The following GLRA2 variants were observed in gnomAD, a reference collection of about 807,000 sequenced individuals.
The protein encoded by GLRA2 is glycine receptor subunit alpha-2.
In GLRA2, 11 loss-of-function variants were observed where a neutral mutation model predicts 31.6. That is an observed-to-expected ratio of 0.35 (90% CI 0.22 to 0.58). GLRA2 has a LOEUF of 0.58. Among genes scored for constraint, GLRA2 ranks in the 20% least tolerant of loss-of-function variants. GLRA2 has a pLI of 0.84. For synonymous variants in GLRA2, 132 were observed against 134.0 expected (o/e 0.99, Z 0.10); for missense variants, 212 against 351.8 (o/e 0.60, Z 3.18).
At chrX:14,704,352 A>T (rs1481765563) in intron 8 of GLRA2, among the ~76,000 whole-genome samples, 1 of 112,251 alleles carries the variant, frequency 8.9e-6, no homozygotes, top group African/African-American at 3.2e-5. Flanking sequence ...TAATTGGTGT[A>T]AGATTCTTTT....
intron 2 of GLRA2, among the ~76,000 whole-genome samples, chrX:14,541,803 C>G (rs756576407): frequency 2.7e-5 from 3 of 111,230 alleles, no homozygotes; most frequent in Non-Finnish European, 5.7e-5. Context: ...ATGGATTTCT[C>G]ATATTCTACT....
intron 8 of GLRA2, among the ~76,000 whole-genome samples, chrX:14,700,388 G>C (rs1277324723): frequency 9.0e-6 from 1 of 110,952 alleles, no homozygotes; most frequent in Non-Finnish European, 1.9e-5. Flanking sequence ...AGGCAAGGCA[G>C]AGGGCTGAGG....
At chrX:14,643,249 T>C (rs901500266) in intron 7 of GLRA2, among the ~76,000 whole-genome samples, 2 of 111,974 alleles carry the variant, frequency 1.8e-5, no homozygotes, top group African/African-American at 6.5e-5. Context: ...GAATTCAGCA[T>C]TGTGAGACAC....
chrX:14,501,490 T>C, the GLRA2 span, among the ~76,000 whole-genome samples: 1 of 111,701 alleles, frequency 9.0e-6, no homozygotes, highest in Non-Finnish European at 1.9e-5. Flanking sequence ...CTTGTACTTC[T>C]GTGATTTGGC....
the GLRA2 span, among the ~76,000 whole-genome samples, chrX:14,495,209 C>G: frequency 1.4e-4 from 16 of 111,361 alleles, no homozygotes; most frequent in Non-Finnish European, 2.6e-4. Flanking sequence ...AATGTAGTTT[C>G]TCTTTCTAGG....
At chrX:14,476,227 A>G in the GLRA2 span, among the ~76,000 whole-genome samples, 1 of 112,170 alleles carries the variant, frequency 8.9e-6, no homozygotes, top group African/African-American at 3.2e-5. Flanking sequence ...TTCCAGACTG[A>G]TTTTTATTGC....
chrX:14,679,521 AC>A (rs1400875646), intron 7 of GLRA2, among the ~76,000 whole-genome samples: 1 of 110,434 alleles, frequency 9.1e-6, no homozygotes, highest in African/African-American at 3.3e-5. Context: ...GAAACCCCAA[AC>A]CTATCAGCTT....
At chrX:14,452,510 G>A in the GLRA2 span, among the ~76,000 whole-genome samples, 1 of 112,585 alleles carries the variant, frequency 8.9e-6, no homozygotes, top group African/African-American at 3.2e-5. Context: ...GATGGGCAGA[G>A]ATGCACACAT....
chrX:14,665,891 GACCA>G (rs1457832183), intron 7 of GLRA2, among the ~76,000 whole-genome samples: 1 of 112,036 alleles, frequency 8.9e-6, no homozygotes, highest in African/African-American at 3.2e-5. Flanking sequence ...AATAAAGCTG[GACCA>G]AGAATCTAGC....
At chrX:14,640,474 ATAAAATGCCCATGTACATTAAAATGCC>A (rs1445684837) in intron 7 of GLRA2, among the ~76,000 whole-genome samples, 1 of 111,994 alleles carries the variant, frequency 8.9e-6, no homozygotes, top group Non-Finnish European at 1.9e-5. Context: ...ATTAAAATGC[ATAAAATGCCCATGTACATTAAAATGCC>A]ATAAAATGTT....
chrX:14,629,469 A>G (rs751073310), intron 7 of GLRA2, among the ~76,000 whole-genome samples: 2 of 111,594 alleles, frequency 1.8e-5, no homozygotes, highest in Admixed American at 9.5e-5. Flanking sequence ...GTTTTCATCA[A>G]CAGGAAACAG....
In GLRA2 at chrX:14,678,772, T is replaced by C. The variant is rs374382125; in HGVS notation, c.931-11938T>C. 1.2e-4 allele frequency among the ~76,000 whole-genome samples: 13 copies of C among 111,780 alleles called. No homozygotes were observed. The East Asian group carries it at 2.3e-3, about 19-fold the overall frequency. The stretch of plus-strand genomic sequence containing the variant: ...TCCTCAATGAATTTATCCACTCCTA[T>C]AGCTTTCTTCTTATTCCTGTAGCTT... On this transcript the variant is annotated intron_variant, in intron 7 of 8. Coordinates refer to ENST00000218075, the MANE Select transcript of GLRA2 (RefSeq NM_002063.4).
chrX:14,678,507 A>G (rs1714438190), intron 7 of GLRA2, among the ~76,000 whole-genome samples: 1 of 111,031 alleles, frequency 9.0e-6, no homozygotes, highest in African/African-American at 3.3e-5. Context: ...ACAGAGAGAA[A>G]TGTTGAGTCT....
the GLRA2 span, among the ~76,000 whole-genome samples, chrX:14,457,085 T>C: frequency 8.9e-6 from 1 of 112,393 alleles, no homozygotes; most frequent in South Asian, 3.7e-4. Flanking sequence ...CACAGTAGTT[T>C]TGTTTTGCGT....
chrX:14,484,623 G>C, the GLRA2 span, among the ~76,000 whole-genome samples: 3 of 112,024 alleles, frequency 2.7e-5, no homozygotes, highest in Non-Finnish European at 5.6e-5. Context: ...CAAAAAAGGA[G>C]TGAGCATGGC....
chrX:14,473,079 T>A, the GLRA2 span, among the ~76,000 whole-genome samples: 2 of 111,053 alleles, frequency 1.8e-5, no homozygotes, highest in South Asian at 7.6e-4. Flanking sequence ...CATGAAGAAA[T>A]AAGAAAGGAG....
At chrX:14,584,374 G>T (rs1157314142) in intron 4 of GLRA2, among the ~76,000 whole-genome samples, 1 of 111,609 alleles carries the variant, frequency 9.0e-6, no homozygotes, top group Non-Finnish European at 1.9e-5. Context: ...GTCCTTAACA[G>T]AATGCCCCCT....
intron 4 of GLRA2, among the ~76,000 whole-genome samples, chrX:14,593,563 T>C (rs780950212): frequency 1.2e-4 from 14 of 112,380 alleles, no homozygotes; most frequent in Admixed American, 7.5e-4. Context: ...CAGAATTCTA[T>C]TGGGGTGGGA....
the GLRA2 span, among the ~76,000 whole-genome samples, chrX:14,492,036 AAG>A: frequency 2.7e-5 from 3 of 111,379 alleles, no homozygotes; most frequent in Admixed American, 2.9e-4. Flanking sequence ...GAGAAAGAGA[AAG>A]AGCACCCAAA....
Sources: allele counts gnomAD v4.1 joint callset (sites outside exome capture counted in the v4.1 genomes callset), GRCh38; gene constraint gnomAD v4.1.1; transcripts MANE v1.5; gene names NCBI Gene and HGNC (gene_info 2026-07-23, HGNC 2026-07-21).